Variants in ANO1 observed in about 807,000 individuals in gnomAD.
ANO1 encodes the protein anoctamin-1.
In ANO1, 59 loss-of-function variants were observed where a neutral mutation model predicts 124.0. The ratio of observed to expected loss-of-function variants is 0.48; its 90% CI spans 0.39 to 0.59. ANO1 has a LOEUF of 0.59. ANO1 is among the 20% of genes least tolerant of loss of function. The probability of loss-of-function intolerance (pLI) is 0.00; values close to 1 mark genes in which losing one functional copy is unlikely to be tolerated. For missense variants in ANO1, 1,059 were observed against 1,328.0 expected, an observed-to-expected ratio of 0.80 and a Z score of 3.15; for synonymous variants, 529 against 532.0, an observed-to-expected ratio of 0.99 and a Z score of 0.08.
At chr11:69,971,710 C>T in the ANO1 span, among the ~76,000 whole-genome samples, 1 of 152,110 alleles carries the variant, frequency 6.6e-6, no homozygotes, top group South Asian at 2.1e-4. Context: ...AGCTCACCCT[C>T]ACTTTCAGAG....
intron 1 of ANO1, among the ~76,000 whole-genome samples, chr11:69,986,388 T>TGACAGACAAACAGAC (rs1312906532): frequency 3.2e-5 from 4 of 123,150 alleles, no homozygotes; most frequent in Non-Finnish European, 5.9e-5. Context: ...GCTGGGGCAC[T>TGACAGACAAACAGAC]GACAGACAAA....
chr11:70,068,395 T>C (rs1555008905), intron 1 of ANO1, among the ~76,000 whole-genome samples: 3 of 152,206 alleles, frequency 2.0e-5, no homozygotes, highest in Non-Finnish European at 1.5e-5. Context: ...AAAGGATACT[T>C]TGCATACCTA....
chr11:70,172,914 C>T (rs2048531446), intron 22 of ANO1, among the ~76,000 whole-genome samples: 1 of 152,100 alleles, frequency 6.6e-6, no homozygotes, highest in Non-Finnish European at 1.5e-5. Context: ...AAGGGCTTCT[C>T]CAGTCCTTGG....
At chr11:69,967,008 T>A in the ANO1 span, among the ~76,000 whole-genome samples, 2 of 152,092 alleles carry the variant, frequency 1.3e-5, no homozygotes, top group Non-Finnish European at 2.9e-5. Flanking sequence ...CACTGGGAAA[T>A]GTTTACAGCA....
chr11:70,163,440 G>T (rs1313763763), intron 19 of ANO1, 100 bp downstream of exon 19: 1 of 1,393,682 alleles, frequency 7.2e-7, no homozygotes. Context: ...CATTTGTTCA[G>T]CAAAGAGCAG....
chr11:70,180,810 G>A (rs184563718), intron 23 of ANO1, among the ~76,000 whole-genome samples: 196 of 152,300 alleles, frequency 1.3e-3, no homozygotes, highest in African/African-American at 4.4e-3. Context: ...AATCTGAAAC[G>A]TATGGCTGCT....
intron 7 of ANO1, 85 bp from the exon 8 acceptor site, chr11:70,116,373 G>T: frequency 1.5e-6 from 2 of 1,320,690 alleles, no homozygotes; most frequent in Non-Finnish European, 2.1e-6. Context: ...AGCTGCTGGG[G>T]TTTATGTTTT....
At chr11:70,134,399 C>T (rs904750582) in intron 11 of ANO1, among the ~76,000 whole-genome samples, 4 of 152,206 alleles carry the variant, frequency 2.6e-5, no homozygotes, top group Admixed American at 6.5e-5. Flanking sequence ...ATTTCTATAG[C>T]GCCCCCGGGG....
At position 70,102,099 on chromosome 11, in the gene ANO1, G is replaced by A. The variant is rs144053567; in HGVS notation, c.442-967G>A. 5.2e-3 allele frequency among the ~76,000 whole-genome samples: 799 copies of A among 152,322 alleles called. 11 individuals carry two copies. Among genetic ancestry groups the A allele is most frequent in the African/African-American group, 0.018 (762 of 41,566 alleles). ...ATTTGCTAAAGGGACTCTATTAAAC[G>A]CGAAATCCAGAGGGGAGAGGGAAAG... On this transcript the variant is annotated intron_variant, in intron 2 of 25. Transcript: ENST00000355303.
chr11:69,992,922 G>C (rs1446967937), intron 1 of ANO1, among the ~76,000 whole-genome samples: 2 of 152,198 alleles, frequency 1.3e-5, no homozygotes, highest in Non-Finnish European at 2.9e-5. Context: ...TGGCCATTAG[G>C]TAGACAAATT....
At position 70,161,732 on chromosome 11, in the gene ANO1, C is replaced by T. The variant is rs1328242690; in HGVS notation, c.1891C>T (p.Arg631Trp). Residue 631 changes from arginine (R) to tryptophan (W), a missense_variant and splice_region_variant, in exon 18 of 26, where the codon CGG (arginine) becomes TGG (tryptophan). Arg to Trp is a moderately radical substitution (Grantham distance 101). Around this residue, in one of 2 missense-constraint regions of ANO1, gnomAD observed 809 missense variants for 1,094.9 expected, o/e 0.74. Transcript: ENST00000355303. ...CTTTTACGTGGCGTTCTTCAAAGGC[C>T]GGTAGGGACATCTTCAGCCTTTCCC... ...PIFYVAFFKG[R>W]FVGRPGDYVY... 1.9e-6 allele frequency: 3 copies of T among 1,613,670 alleles called. No homozygotes were observed. The highest frequency in any genetic ancestry group is 8.5e-7 in the Non-Finnish European group (1 of 1,179,572).
chr11:70,103,975 C>A (rs1451646505), intron 3 of ANO1, 24 bp from the exon 4 acceptor site: 1 of 1,606,908 alleles, frequency 6.2e-7, no homozygotes, highest in Admixed American at 1.7e-5. Context: ...GACGCAGCTC[C>A]CCGGTCCCTT....
intron 8 of ANO1, among the ~76,000 whole-genome samples, chr11:70,122,961 A>G (rs1238228658): frequency 6.6e-6 from 1 of 152,174 alleles, no homozygotes; most frequent in Non-Finnish European, 1.5e-5. Context: ...TGTACACAGT[A>G]AAACTGTGGC....
chr11:70,038,219 A>G (rs1857126208), intron 1 of ANO1, among the ~76,000 whole-genome samples: 1 of 152,228 alleles, frequency 6.6e-6, no homozygotes, highest in Non-Finnish European at 1.5e-5. Flanking sequence ...CCCAGACCAT[A>G]GTGCATGCCA....
At chr11:70,144,410 C>T (rs1049635036) in intron 11 of ANO1, among the ~76,000 whole-genome samples, 3 of 152,214 alleles carry the variant, frequency 2.0e-5, no homozygotes, top group Non-Finnish European at 4.4e-5. Context: ...GATAGACCCT[C>T]TCAGGCAGGC....
intron 1 of ANO1, chr11:70,085,464 T>G (rs966359801): frequency 6.1e-5 from 94 of 1,535,698 alleles, no homozygotes; most frequent in African/African-American, 2.6e-4. Flanking sequence ...AGCGGGGCCC[T>G]GTGTTACTGT....
chr11:69,999,869 T>C (rs1233920071), intron 1 of ANO1, among the ~76,000 whole-genome samples: 1 of 152,108 alleles, frequency 6.6e-6, no homozygotes, highest in African/African-American at 2.4e-5. Context: ...GAGGGAGGGC[T>C]ATCACATGGC....
chr11:69,976,663 G>A, the ANO1 span, among the ~76,000 whole-genome samples: 880 of 151,020 alleles, frequency 5.8e-3, 4 homozygotes, highest in African/African-American at 0.02. Flanking sequence ...GGCCTCAGGA[G>A]GAACCAGCCC....
chr11:70,027,359 T>G (rs542192470), intron 1 of ANO1, among the ~76,000 whole-genome samples: 82 of 152,322 alleles, frequency 5.4e-4, no homozygotes, highest in Middle Eastern at 6.8e-3. Context: ...AATAAAATGC[T>G]GACTAGCTCA....
Sources: gnomAD v4.1 joint callset for allele counts (sites outside exome capture counted in the v4.1 genomes callset) on GRCh38, gnomAD v4.1.1 for gene constraint, gnomAD v4.1.1 regional missense constraint, MANE v1.5 for transcripts, NCBI Gene and HGNC (gene_info 2026-07-23, HGNC 2026-07-21) for gene names.